Variants in DOCK3 observed in about 807,000 individuals in gnomAD.
DOCK3 encodes dedicator of cytokinesis 3.
In DOCK3, 60 loss-of-function variants were observed where a neutral mutation model predicts 265.6. The observed-to-expected ratio is 0.23, with a 90% CI of 0.18 to 0.28. The LOEUF is 0.28. Among genes scored for constraint, DOCK3 ranks in the 10% least tolerant of loss-of-function variants. The pLI, the probability that DOCK3 is intolerant of heterozygous loss-of-function variation, is 1.00. For missense variants in DOCK3, 1,981 were observed against 2,594.3 expected (o/e 0.76, Z 5.14); for synonymous variants, 881 against 938.0 (o/e 0.94, Z 1.11).
At chr3:51,258,935 T>G (rs2079698942) in intron 22 of DOCK3, among the ~76,000 whole-genome samples, 1 of 152,200 alleles carries the variant, frequency 6.6e-6, no homozygotes, top group Non-Finnish European at 1.5e-5. Context: ...TGAAGCTAGC[T>G]CAGAAGTGTA....
intron 5 of DOCK3, among the ~76,000 whole-genome samples, chr3:50,968,573 C>T (rs1339610064): frequency 1.1e-4 from 13 of 119,626 alleles, no homozygotes; most frequent in Admixed American, 2.6e-4. Flanking sequence ...TTTTTTGAGA[C>T]GGAGTCTCTC....
intron 27 of DOCK3, among the ~76,000 whole-genome samples, chr3:51,291,047 A>G (rs577152736): frequency 5.9e-5 from 9 of 152,342 alleles, no homozygotes; most frequent in African/African-American, 1.4e-4. Flanking sequence ...ACTGCACTCC[A>G]GCCTGGGCAA....
At chr3:50,896,881 G>C (rs752364462) in intron 4 of DOCK3, among the ~76,000 whole-genome samples, 10 of 152,126 alleles carry the variant, frequency 6.6e-5, no homozygotes, top group Non-Finnish European at 1.0e-4. Flanking sequence ...TTGTGTTTTG[G>C]TTAATGTAGC....
At chr3:51,114,955 C>T (rs1449805228) in intron 9 of DOCK3, among the ~76,000 whole-genome samples, 1 of 152,108 alleles carries the variant, frequency 6.6e-6, no homozygotes, top group Non-Finnish European at 1.5e-5. Context: ...TTTCCATCTT[C>T]ATTCATGTCC....
chr3:51,134,084 T>C (rs1380071552), intron 9 of DOCK3, among the ~76,000 whole-genome samples: 1 of 152,180 alleles, frequency 6.6e-6, no homozygotes, highest in Non-Finnish European at 1.5e-5. Flanking sequence ...TCCAGCTCCA[T>C]CCATGTTCCT....
intron 1 of DOCK3, among the ~76,000 whole-genome samples, chr3:50,731,268 A>G (rs188218701): frequency 1.3e-5 from 2 of 152,352 alleles, no homozygotes; most frequent in Admixed American, 1.3e-4. Flanking sequence ...GGTCAATTTA[A>G]CAACTCAGGA....
At chr3:50,818,401 C>G (rs1342060247) in intron 2 of DOCK3, among the ~76,000 whole-genome samples, 1 of 152,202 alleles carries the variant, frequency 6.6e-6, no homozygotes, top group Non-Finnish European at 1.5e-5. Flanking sequence ...TCTTACACTT[C>G]CAAATGTTTT....
rs139139424 is a variant in DOCK3, at chr3:51,302,315, G to A, written c.2923-7917G>A. The stretch of plus-strand genomic sequence containing the variant: ...CTCCATCCCTTTATTTTGAGCCTAC[G>A]TGTATCTTTGCACATGAGATGGGTC... On this transcript the variant is annotated intron_variant, in intron 27 of 52. Transcript: ENST00000266037. 1.1e-3 allele frequency among the ~76,000 whole-genome samples: 161 copies of A among 152,166 alleles called. 1 individual carries two copies. Among genetic ancestry groups the A allele is most frequent in the Middle Eastern group, 6.8e-3 (2 of 294 alleles).
chr3:51,338,516 G>C, intron 36 of DOCK3, 97 bp downstream of exon 36: 1 of 1,397,190 alleles, frequency 7.2e-7, no homozygotes, highest in Non-Finnish European at 9.9e-7. Context: ...ATGGCTGCAG[G>C]CCTAAGGGTT....
intron 12 of DOCK3, among the ~76,000 whole-genome samples, chr3:51,194,957 T>C (rs534490545): frequency 3.3e-5 from 5 of 151,964 alleles, no homozygotes. Flanking sequence ...CCCAAGTAGC[T>C]GGGACTACAG....
chr3:51,299,642 C>G (rs1385909854), intron 27 of DOCK3, among the ~76,000 whole-genome samples: 2 of 152,122 alleles, frequency 1.3e-5, no homozygotes, highest in Non-Finnish European at 2.9e-5. Context: ...TATGGCTAGC[C>G]AGTTTACCCA....
rs112670911 is a variant in DOCK3, at chr3:51,213,594, G to A, written c.1127-528G>A. On this transcript the variant is annotated intron_variant, in intron 13 of 52. Coordinates refer to ENST00000266037, the MANE Select transcript of DOCK3 (RefSeq NM_004947.5). Reference sequence around the variant, plus strand: ...AAGCGCCCTCTTTTCTTTGCAGAATGTGATGTCTCCTCTGTTGCAAGCCAG... The same window carrying A: ...AAGCGCCCTCTTTTCTTTGCAGAATATGATGTCTCCTCTGTTGCAAGCCAG... 5.1e-3 allele frequency among the ~76,000 whole-genome samples: 775 copies of A among 152,320 alleles called. 4 individuals carry two copies. The highest frequency in any genetic ancestry group is 0.017 in the Middle Eastern group (5 of 294).
chr3:50,933,743 G>A (rs549894847), intron 4 of DOCK3, among the ~76,000 whole-genome samples: 96 of 152,076 alleles, frequency 6.3e-4, no homozygotes, highest in Non-Finnish European at 1.2e-3. Flanking sequence ...TTTAAGGATA[G>A]CATTTATAAA....
chr3:51,085,289 CATCA>C (rs1388475696), intron 7 of DOCK3, among the ~76,000 whole-genome samples: 2 of 152,274 alleles, frequency 1.3e-5, no homozygotes, highest in African/African-American at 4.8e-5. Context: ...AGTCAACAAA[CATCA>C]GGCTTACTCT....
At chr3:51,102,083 G>A (rs187511483) in intron 9 of DOCK3, among the ~76,000 whole-genome samples, 75 of 152,316 alleles carry the variant, frequency 4.9e-4, no homozygotes, top group African/African-American at 1.8e-3. Flanking sequence ...ATCTGAAAAC[G>A]TGGTACTTGG....
intron 4 of DOCK3, among the ~76,000 whole-genome samples, chr3:50,924,706 C>G (rs1234591757): frequency 6.6e-6 from 1 of 152,188 alleles, no homozygotes; most frequent in Non-Finnish European, 1.5e-5. Context: ...TGCTACCGGT[C>G]AGTTCTGATT....
intron 2 of DOCK3, among the ~76,000 whole-genome samples, chr3:50,794,568 ATT>A (rs1477267290): frequency 1.3e-5 from 2 of 151,464 alleles, no homozygotes; most frequent in African/African-American, 4.9e-5. Context: ...GCTTTTTTCT[ATT>A]TTGTCTTGCT....
At chr3:51,077,833 C>T (rs189767580) in intron 7 of DOCK3, among the ~76,000 whole-genome samples, 58 of 152,230 alleles carry the variant, frequency 3.8e-4, no homozygotes, top group African/African-American at 1.4e-3. Flanking sequence ...GTTTTAGAGG[C>T]ATCATATTAC....
At chr3:50,802,815 C>G (rs2108684418) in intron 2 of DOCK3, among the ~76,000 whole-genome samples, 1 of 152,118 alleles carries the variant, frequency 6.6e-6, no homozygotes, top group East Asian at 1.9e-4. Context: ...TTCTGGATGT[C>G]CATATCTCTC....
Sources: allele counts gnomAD v4.1 joint callset (sites outside exome capture counted in the v4.1 genomes callset), GRCh38; gene constraint gnomAD v4.1.1; transcripts MANE v1.5; gene names NCBI Gene and HGNC (gene_info 2026-07-23, HGNC 2026-07-21).